SLX4IP: variants seen among roughly 807,000 people sequenced by gnomAD.
SLX4IP encodes SLX4 interacting protein.
SLX4IP carries 34 observed loss-of-function variants against 32.9 expected under a neutral mutation model. That is an observed-to-expected ratio of 1.03 (90% CI 0.79 to 1.38). SLX4IP has a LOEUF of 1.38. SLX4IP is among the 40% of genes most tolerant of loss of function. SLX4IP has a pLI of 0.00. For synonymous variants in SLX4IP, 172 were observed against 171.7 expected (o/e 1.00, Z -0.01); for missense variants, 444 against 479.0 (o/e 0.93, Z 0.68).
At chr20:10,621,236 G>T (rs1600165412) in intron 6 of SLX4IP, 78 bp from the exon 7 acceptor site, 10 of 1,249,942 alleles carry the variant, frequency 8.0e-6, no homozygotes, top group Non-Finnish European at 1.2e-5. Flanking sequence ...TGTTCATTGG[G>T]GCATTCAGAG....
intron 5 of SLX4IP, among the ~76,000 whole-genome samples, chr20:10,601,047 G>A (rs190946069): frequency 2.0e-5 from 3 of 152,266 alleles, no homozygotes; most frequent in East Asian, 1.9e-4. Context: ...ATTGAATGCC[G>A]AGGAGTCCAG....
In SLX4IP at chr20:10,624,308, A is replaced by G. The variant is rs1162394911; in HGVS notation, c.*929A>G. 1.3e-5 allele frequency: 2 copies of G among 152,338 alleles called. No homozygotes were observed. Among genetic ancestry groups the G allele is most frequent in the Non-Finnish European group, 2.9e-5 (2 of 68,034 alleles). 9.4% of individuals were successfully genotyped at this position (152,338 alleles called of 1,614,324 possible). Reference sequence around the variant, plus strand: ...CCAGGATTTTGGTTTGGGACAGACTATAACCTAACAGGAACTCAGTGACCA... The same window carrying G: ...CCAGGATTTTGGTTTGGGACAGACTGTAACCTAACAGGAACTCAGTGACCA... On this transcript the variant is annotated 3_prime_UTR_variant, in exon 8 of 8. Transcript: ENST00000334534.
chr20:10,583,951 T>C (rs1004246367), intron 4 of SLX4IP, among the ~76,000 whole-genome samples: 1 of 152,216 alleles, frequency 6.6e-6, no homozygotes, highest in African/African-American at 2.4e-5. Context: ...TTAGCATACA[T>C]AGTTCCTTTT....
At chr20:10,585,842 C>G (rs1012048543) in intron 4 of SLX4IP, among the ~76,000 whole-genome samples, 1 of 152,094 alleles carries the variant, frequency 6.6e-6, no homozygotes, top group Non-Finnish European at 1.5e-5. Flanking sequence ...CCACCTGCCT[C>G]GGCCTCCCAA....
At chr20:10,594,657 C>A (rs2066748900) in intron 4 of SLX4IP, among the ~76,000 whole-genome samples, 1 of 152,216 alleles carries the variant, frequency 6.6e-6, no homozygotes, top group Non-Finnish European at 1.5e-5. Context: ...TCCCTTAAAA[C>A]CATTACTCAT....
At chr20:10,592,151 A>G (rs1031135699) in intron 4 of SLX4IP, among the ~76,000 whole-genome samples, 3 of 152,192 alleles carry the variant, frequency 2.0e-5, no homozygotes, top group African/African-American at 7.2e-5. Context: ...ATGAAATGTT[A>G]TCTCAAGGGA....
chr20:10,525,082 AAGAT>A (rs1270683495), intron 2 of SLX4IP, among the ~76,000 whole-genome samples: 1 of 152,220 alleles, frequency 6.6e-6, no homozygotes, highest in Admixed American at 6.5e-5. Flanking sequence ...TAAAAATAGA[AAGAT>A]AGAAATAAAA....
chr20:10,527,116 T>C (rs1231330538), intron 2 of SLX4IP, among the ~76,000 whole-genome samples: 1 of 152,244 alleles, frequency 6.6e-6, no homozygotes, highest in African/African-American at 2.4e-5. Flanking sequence ...ATTTTGCTGG[T>C]TCATTTGTTC....
rs1188799570 is a variant in SLX4IP at position 10,561,760 on chromosome 20, T to C, written c.238+940T>C. 2.6e-5 allele frequency among the ~76,000 whole-genome samples: 4 copies of C among 152,202 alleles called. No homozygotes were observed. In the East Asian group the frequency reaches 7.7e-4, roughly 29 times the overall value. On this transcript the variant is annotated intron_variant, in intron 4 of 7. Transcript: ENST00000334534. ...TAGCTCCCACTTACAAGTTTGGCTTTCCATTCCTGAGTTACTTCACTTAGA... is the reference window on the plus strand; with the variant it reads ...TAGCTCCCACTTACAAGTTTGGCTTCCCATTCCTGAGTTACTTCACTTAGA...
intron 4 of SLX4IP, among the ~76,000 whole-genome samples, chr20:10,569,333 G>T (rs942549891): frequency 1.3e-5 from 2 of 151,886 alleles, no homozygotes; most frequent in Non-Finnish European, 2.9e-5. Context: ...TTACAGGTGC[G>T]TGCCACCACA....
At chr20:10,595,879 G>T (rs2066764987) in intron 4 of SLX4IP, among the ~76,000 whole-genome samples, 1 of 152,126 alleles carries the variant, frequency 6.6e-6, no homozygotes, top group Non-Finnish European at 1.5e-5. Context: ...TGTTAAACTT[G>T]CTATTTCTCT....
At chr20:10,507,389 G>A (rs1439273917) in intron 2 of SLX4IP, among the ~76,000 whole-genome samples, 2 of 152,130 alleles carry the variant, frequency 1.3e-5, no homozygotes, top group Non-Finnish European at 2.9e-5. Flanking sequence ...AGGTGGGAAA[G>A]GTGGGAAGAG....
intron 2 of SLX4IP, among the ~76,000 whole-genome samples, chr20:10,488,131 C>T (rs652661): frequency 0.39 from 59,419 of 151,914 alleles, 11,835 homozygotes; most frequent in Non-Finnish European, 0.43. Context: ...TTGAAATATC[C>T]CTTCCCAAAA....
chr20:10,617,652 C>CTTTTTTTTTTTTTTTTTTTTTTCT (rs549525000), intron 6 of SLX4IP, among the ~76,000 whole-genome samples: 1 of 112,748 alleles, frequency 8.9e-6, no homozygotes, highest in African/African-American at 3.3e-5. Flanking sequence ...TTCTTTCTTT[C>CTTTTTTTTTTTTTTTTTTTTTTCT]TTTTTTTTTT....
intron 6 of SLX4IP, among the ~76,000 whole-genome samples, chr20:10,610,258 T>C (rs2066950842): frequency 2.7e-5 from 2 of 74,980 alleles, no homozygotes; most frequent in Middle Eastern, 9.6e-3. Context: ...CAGCCACTTA[T>C]GGGTGCTTCC....
chr20:10,567,156 G>A (rs1361509745), intron 4 of SLX4IP, among the ~76,000 whole-genome samples: 1 of 152,152 alleles, frequency 6.6e-6, no homozygotes, highest in African/African-American at 2.4e-5. Context: ...CCTTTGAGCA[G>A]GTACTTTGGC....
At chr20:10,472,257 G>A (rs556924658) in intron 2 of SLX4IP, among the ~76,000 whole-genome samples, 23 of 147,982 alleles carry the variant, frequency 1.6e-4, no homozygotes, top group Middle Eastern at 7.0e-3. Flanking sequence ...TTGAGATGGA[G>A]TCTGGCTCTG....
At chr20:10,622,450 A>G (rs1393671203) in intron 7 of SLX4IP, among the ~76,000 whole-genome samples, 1 of 152,234 alleles carries the variant, frequency 6.6e-6, no homozygotes, top group Admixed American at 6.5e-5. Flanking sequence ...AGTATCATGT[A>G]TAATGGAATA....
At chr20:10,523,068 A>G (rs368770070) in intron 2 of SLX4IP, among the ~76,000 whole-genome samples, 2 of 152,178 alleles carry the variant, frequency 1.3e-5, no homozygotes, top group African/African-American at 2.4e-5. Flanking sequence ...CTGCATGCAT[A>G]TGTGAATCCT....
Sources: gnomAD v4.1 joint callset for allele counts (sites outside exome capture counted in the v4.1 genomes callset) on GRCh38, gnomAD v4.1.1 for gene constraint, MANE v1.5 for transcripts, NCBI Gene and HGNC (gene_info 2026-07-23, HGNC 2026-07-21) for gene names.